The following CD160 variants were observed in gnomAD, a reference collection of about 807,000 sequenced individuals.
The protein encoded by CD160 is CD160 molecule, also known as CD160 antigen.
CD160 carries 11 observed loss-of-function variants against 19.2 expected under a neutral mutation model. The observed-to-expected ratio is 0.57, with a 90% CI of 0.36 to 0.95. The LOEUF (loss-of-function observed/expected upper bound fraction) is 0.95, where lower values mean the gene tolerates loss of function less well. Ranked by LOEUF, CD160 falls within the 40% of genes least tolerant of loss-of-function variation. The pLI is 0.01. For synonymous variants in CD160, 75 were observed against 81.1 expected, an observed-to-expected ratio of 0.93 and a Z score of 0.40; for missense variants, 182 against 213.2, an observed-to-expected ratio of 0.85 and a Z score of 0.91.
At chr1:145,736,547 G>C (rs998729088) in intron 5 of CD160, 4 of 264,970 alleles carry the variant, frequency 1.5e-5, no homozygotes, top group Non-Finnish European at 2.2e-5. Flanking sequence ...CTGATGGCCA[G>C]ATTGAGTATA....
At chr1:145,728,501 CTTTTTT>C (rs59357123) in intron 3 of CD160, 101 bp downstream of exon 3, 1,201 of 292,668 alleles carry the variant, frequency 4.1e-3, no homozygotes, top group South Asian at 7.0e-3. Flanking sequence ...ACAAAGGACT[CTTTTTT>C]TTTTTTTTTT....
At position 145,736,063 on chromosome 1, in the gene CD160, G is replaced by A. The variant is rs1657475409; in HGVS notation, c.467G>A (p.Gly156Asp). 3 of 1,613,866 alleles carry A rather than the reference G, an allele frequency of 1.9e-6. No homozygotes were observed. Among genetic ancestry groups the A allele is most frequent in the Non-Finnish European group, 2.5e-6 (3 of 1,179,790 alleles). Residue 156 changes from glycine (G) to aspartate (D), a missense_variant, in exon 5 of 6, where the codon GGC (glycine) becomes GAC (aspartate). Gly to Asp is a moderately conservative substitution (Grantham distance 94). Transcript: ENST00000369288. ...CACCTTGAGTTCAGCCATAATGAAG[G>A]CACTCTCAGTTCAGGCTTCCTACAA... ...RQHLEFSHNE[G>D]TLSSGFLQEK...
chr1:145,725,950 G>A (rs1327211030), intron 2 of CD160, among the ~76,000 whole-genome samples: 2 of 152,012 alleles, frequency 1.3e-5, no homozygotes, highest in African/African-American at 4.8e-5. Flanking sequence ...TTAAGGGAGG[G>A]GAGCTGGGTA....
intron 1 of CD160, among the ~76,000 whole-genome samples, 161 bp downstream of exon 1, chr1:145,719,720 C>T (rs1439795185): frequency 6.6e-6 from 1 of 152,160 alleles, no homozygotes; most frequent in Non-Finnish European, 1.5e-5. Flanking sequence ...GTTATTTCTG[C>T]CCGCCAGACC....
At chr1:145,730,270 C>T (rs999923023) in intron 3 of CD160, among the ~76,000 whole-genome samples, 2 of 152,076 alleles carry the variant, frequency 1.3e-5, no homozygotes, top group Admixed American at 6.6e-5. Context: ...CAGTGAGTTA[C>T]GATTGTGCCA....
chr1:145,729,075 T>C (rs1488383845), intron 3 of CD160, among the ~76,000 whole-genome samples: 1 of 152,158 alleles, frequency 6.6e-6, no homozygotes, highest in East Asian at 1.9e-4. Context: ...ATACTGAGGA[T>C]TTGATATACA....
intron 3 of CD160, among the ~76,000 whole-genome samples, chr1:145,728,708 T>G (rs1657162100): frequency 6.6e-6 from 1 of 152,024 alleles, no homozygotes; most frequent in Non-Finnish European, 1.5e-5. Flanking sequence ...TTCACCATAT[T>G]GGTCAGGCTG....
At position 145,736,014 on chromosome 1, in the gene CD160, G is replaced by C; in HGVS notation, c.418G>C (p.Val140Leu). The C allele has an allele frequency of 6.2e-7, 1 of 1,613,168 alleles. No individual in the cohort carries two copies. The highest frequency in any genetic ancestry group is 8.5e-7 in the Non-Finnish European group (1 of 1,179,174). Reference protein sequence around the residue: ...ILFTETGNYTVTGLKQRQHLE... With the variant: ...ILFTETGNYTLTGLKQRQHLE... Reference sequence around the variant, plus strand: ...TGAACCAGAGACAGGGAACTACACAGTGACGGGATTGAAACAAAGACAACA... The same window carrying C: ...TGAACCAGAGACAGGGAACTACACACTGACGGGATTGAAACAAAGACAACA... The change falls in exon 5 of 6, where the codon GTG becomes CTG. Residue 140 changes from valine (V) to leucine (L), a missense_variant. Coordinates refer to ENST00000369288, the MANE Select transcript of CD160 (RefSeq NM_007053.4).
At chr1:145,736,391 G>A (rs144063851) in intron 5 of CD160, 24 of 917,836 alleles carry the variant, frequency 2.6e-5, no homozygotes, top group Middle Eastern at 3.8e-4. Context: ...TGTGAGAGAG[G>A]CAAGTTAGTA....
At position 145,730,790 on chromosome 1, in the gene CD160, A is replaced by G. The variant is rs782048214; in HGVS notation, c.120A>G (p.Leu40=). ...TSSASQEGTR[L]NLICTVWHKK... ...CAGCTTCCCAGGAAGGAACGCGACT[A>G]AACTTAATCTGTACTGTATGGCATA... Residue 40 remains leucine, a synonymous_variant, in exon 4 of 6, where the codon CTA becomes CTG. Coordinates refer to ENST00000369288, the MANE Select transcript of CD160 (RefSeq NM_007053.4). The G allele has an allele frequency of 9.3e-6, 15 of 1,614,150 alleles. No individual in the cohort carries two copies. Among genetic ancestry groups the G allele is most frequent in the Non-Finnish European group, 1.3e-5 (15 of 1,180,038 alleles).
intron 3 of CD160, 117 bp from the exon 4 acceptor site, chr1:145,730,627 C>A: frequency 1.3e-6 from 1 of 758,652 alleles, no homozygotes; most frequent in Non-Finnish European, 2.1e-6. Context: ...TCTGCCAGCA[C>A]TACTGCCAGG....
chr1:145,721,738 C>T (rs1264818586), intron 1 of CD160, among the ~76,000 whole-genome samples: 10 of 152,126 alleles, frequency 6.6e-5, no homozygotes, highest in Non-Finnish European at 1.3e-4. Context: ...AGCCCATTCC[C>T]CACCTTAATT....
At position 145,735,039 on chromosome 1, in the gene CD160, A is replaced by T. The variant is rs1553709905; in HGVS notation, c.401-958A>T. Among the ~76,000 whole-genome samples the T allele has an allele frequency of 5.3e-5, 8 of 152,200 alleles. No individual in the cohort carries two copies. In the South Asian group the frequency reaches 1.7e-3, roughly 32 times the overall value. ...GGAGAATCACTTGAACCCGGGAAGC[A>T]GAGGTTGCAGTGAGCCGAGATTGCG... On this transcript the variant is annotated intron_variant, in intron 4 of 5. Transcript: ENST00000369288.
At chr1:145,727,376 G>A (rs1006930844) in intron 2 of CD160, among the ~76,000 whole-genome samples, 1 of 151,880 alleles carries the variant, frequency 6.6e-6, no homozygotes, top group African/African-American at 2.4e-5. Flanking sequence ...TCAAGTGTTT[G>A]TTTTTCTTCA....
intron 1 of CD160, among the ~76,000 whole-genome samples, chr1:145,721,572 G>A (rs1559089159): frequency 6.6e-6 from 1 of 151,944 alleles, no homozygotes; most frequent in Non-Finnish European, 1.5e-5. Context: ...AGCCCCTCCC[G>A]CCTGTCCTCT....
Position 145,736,033 on chromosome 1 carries a change from G to A in CD160, c.437G>A (p.Arg146Lys). 1 of 1,613,952 alleles carries A rather than the reference G, an allele frequency of 6.2e-7. No homozygotes were observed. Among genetic ancestry groups the A allele is most frequent in the East Asian group, 2.2e-5 (1 of 44,878 alleles). Residue 146 changes from arginine to lysine, a missense_variant, in exon 5 of 6, where the codon AGA (arginine) becomes AAA (lysine). Coordinates refer to ENST00000369288, the MANE Select transcript of CD160 (RefSeq NM_007053.4). ...GNYTVTGLKQRQHLEFSHNEG... is the reference protein window; with the variant it reads ...GNYTVTGLKQKQHLEFSHNEG... ...TACACAGTGACGGGATTGAAACAAA[G>A]ACAACACCTTGAGTTCAGCCATAAT...
chr1:145,724,194 T>C (rs1027719791), intron 1 of CD160, among the ~76,000 whole-genome samples: 2 of 152,230 alleles, frequency 1.3e-5, no homozygotes, highest in African/African-American at 2.4e-5. Flanking sequence ...CTTCCCTGAA[T>C]ACTTGTAAAA....
chr1:145,722,958 T>A (rs1481360653), intron 1 of CD160, among the ~76,000 whole-genome samples: 1 of 152,224 alleles, frequency 6.6e-6, no homozygotes, highest in African/African-American at 2.4e-5. Flanking sequence ...CTACGCTTTT[T>A]AACCATAATT....
intron 4 of CD160, among the ~76,000 whole-genome samples, chr1:145,732,717 G>C (rs1657344071): frequency 6.6e-6 from 1 of 152,038 alleles, no homozygotes; most frequent in Non-Finnish European, 1.5e-5. Context: ...ATAAAATCAG[G>C]CTCTAGAAAA....
Sources: gnomAD v4.1 joint callset for allele counts (sites outside exome capture counted in the v4.1 genomes callset) on GRCh38, gnomAD v4.1.1 for gene constraint, MANE v1.5 for transcripts, NCBI Gene and HGNC (gene_info 2026-07-23, HGNC 2026-07-21) for gene names.